SLMAP: variants seen among roughly 807,000 people sequenced by gnomAD.
SLMAP encodes sarcolemma associated protein, also known as sarcolemmal membrane-associated protein.
A neutral mutation model predicts 128.8 loss-of-function variants in SLMAP; 44 were observed. The ratio of observed to expected loss-of-function variants is 0.34; its 90% CI spans 0.27 to 0.44. The LOEUF (loss-of-function observed/expected upper bound fraction) is 0.44, where lower values mean the gene tolerates loss of function less well. SLMAP is among the 20% of genes least tolerant of loss of function. The pLI is 1.00. For missense variants in SLMAP, 787 were observed against 985.3 expected (o/e 0.80, Z 2.69); for synonymous variants, 327 against 348.8 (o/e 0.94, Z 0.70).
chr3:57,921,351 G>A (rs1332274239), intron 22 of SLMAP, among the ~76,000 whole-genome samples: 2 of 152,238 alleles, frequency 1.3e-5, no homozygotes, highest in South Asian at 4.1e-4. Context: ...AACAGGCGGG[G>A]CACGGTGGCT....
intron 6 of SLMAP, among the ~76,000 whole-genome samples, chr3:57,851,697 C>T (rs145912400): frequency 6.6e-6 from 1 of 151,850 alleles, no homozygotes; most frequent in East Asian, 1.9e-4. Flanking sequence ...GTTGGCCAGG[C>T]TGGCCTTAAA....
At chr3:57,868,885 A>G (rs1212931326) in intron 13 of SLMAP, among the ~76,000 whole-genome samples, 1 of 137,876 alleles carries the variant, frequency 7.3e-6, no homozygotes, top group African/African-American at 2.7e-5. Flanking sequence ...TATATATAAT[A>G]TATATTATAT....
intron 2 of SLMAP, among the ~76,000 whole-genome samples, chr3:57,761,198 T>C (rs1204262694): frequency 6.6e-6 from 1 of 152,162 alleles, no homozygotes; most frequent in Non-Finnish European, 1.5e-5. Flanking sequence ...TAGACAACAC[T>C]GTGCAATTTG....
intron 2 of SLMAP, among the ~76,000 whole-genome samples, chr3:57,830,684 G>T (rs897727239): frequency 3.9e-5 from 6 of 152,134 alleles, no homozygotes; most frequent in African/African-American, 1.4e-4. Flanking sequence ...ACTAATTTTA[G>T]AATATTTTCA....
At chr3:57,788,038 G>A (rs912405706) in intron 2 of SLMAP, among the ~76,000 whole-genome samples, 4 of 152,330 alleles carry the variant, frequency 2.6e-5, no homozygotes, top group Non-Finnish European at 4.4e-5. Context: ...GCTGAAACAA[G>A]TCTTGAAAGA....
At chr3:57,893,985 A>G (rs982188697) in intron 15 of SLMAP, among the ~76,000 whole-genome samples, 1 of 152,202 alleles carries the variant, frequency 6.6e-6, no homozygotes, top group Non-Finnish European at 1.5e-5. Context: ...AAGTTAAGCC[A>G]CAAATTCTGG....
chr3:57,905,670 T>C (rs573968442), intron 17 of SLMAP, among the ~76,000 whole-genome samples: 41 of 152,342 alleles, frequency 2.7e-4, no homozygotes, highest in Middle Eastern at 3.4e-3. Flanking sequence ...TGCAACGTAT[T>C]TATTTGAGCC....
chr3:57,858,908 A>AG (rs2094914889), intron 8 of SLMAP, among the ~76,000 whole-genome samples: 1 of 151,784 alleles, frequency 6.6e-6, no homozygotes, highest in African/African-American at 2.4e-5. Context: ...TGCCATTGCA[A>AG]TGTAGCCTGG....
At chr3:57,790,873 CATAAA>C (rs1335003167) in intron 2 of SLMAP, among the ~76,000 whole-genome samples, 2 of 151,858 alleles carry the variant, frequency 1.3e-5, no homozygotes, top group Non-Finnish European at 2.9e-5. Flanking sequence ...AAAGGGGTCA[CATAAA>C]ATAATTTCAA....
rs139032332 is a variant in SLMAP at position 57,912,585 on chromosome 3, G to A, written c.1904G>A (p.Arg635Gln). The change falls in exon 20 of 25, where the codon CGG (arginine) becomes CAG (glutamine). Residue 635 changes from arginine to glutamine, a missense_variant. Physicochemically the swap from Arg to Gln is conservative, Grantham distance 43 (BLOSUM62 1). Around this residue, in one of 2 missense-constraint regions of SLMAP, gnomAD observed 715 missense variants for 843.6 expected, o/e 0.85. Transcript: ENST00000671191. ...AAGAAGGTGAGAGCTGAGCTTGAGC[G>A]GTGGCGGAAAGCAGCGTCTGAATAT... ...ELKKVRAELERWRKAASEYEK... is the reference protein window; with the variant it reads ...ELKKVRAELEQWRKAASEYEK... The A allele has an allele frequency of 1.7e-5, 27 of 1,613,996 alleles. No individual in the cohort carries two copies. In the African/African-American group the frequency reaches 2.9e-4, roughly 18 times the overall value.
chr3:57,906,310 C>CTTTTTCTTTTTTTTTTTT (rs2096549127), intron 17 of SLMAP, among the ~76,000 whole-genome samples: 1 of 47,048 alleles, frequency 2.1e-5, no homozygotes, highest in African/African-American at 7.1e-5. Flanking sequence ...CTTTTTTTTT[C>CTTTTTCTTTTTTTTTTTT]TTTTTTTTTT....
intron 2 of SLMAP, among the ~76,000 whole-genome samples, chr3:57,826,321 A>G (rs559851882): frequency 6.6e-6 from 1 of 152,136 alleles, no homozygotes; most frequent in East Asian, 1.9e-4. Context: ...TCTGTTTTTC[A>G]TTATCTGTAA....
Position 57,763,063 on chromosome 3 carries a change from C to T in SLMAP, c.198+5214C>T, listed in dbSNP as rs138581365. 1.4e-3 allele frequency among the ~76,000 whole-genome samples: 207 copies of T among 151,768 alleles called. 1 individual carries two copies. The highest frequency in any genetic ancestry group is 4.4e-3 in the African/African-American group (181 of 41,334). ...ATTCCTCTGTTGATTCAAGGCACCACTGAGCAAGCAGATCTACCCATATAG... is the reference window on the plus strand; with the variant it reads ...ATTCCTCTGTTGATTCAAGGCACCATTGAGCAAGCAGATCTACCCATATAG... On this transcript the variant is annotated intron_variant, in intron 2 of 24. Coordinates refer to ENST00000671191, the MANE Select transcript of SLMAP (RefSeq NM_001377540.1).
At position 57,928,701 on chromosome 3, in the gene SLMAP, G is replaced by C. The variant is rs1310277021; in HGVS notation, c.*1412G>C. 1 of 152,162 alleles carries C rather than the reference G, an allele frequency of 6.6e-6. No individual in the cohort carries two copies. The highest frequency in any genetic ancestry group is 6.5e-5 in the Admixed American group (1 of 15,276). 9.4% of individuals were successfully genotyped at this position (152,162 alleles called of 1,614,324 possible). A position where few individuals can be genotyped will look rare whatever the true frequency, so the allele number is the denominator to read the frequency against. ...ACCGGGAGGGAATGTCAGTGAATTG[G>C]CTTGAATGTTCTGTGGCAATCCACA... On this transcript the variant is annotated 3_prime_UTR_variant, in exon 25 of 25. Transcript: ENST00000671191.
intron 14 of SLMAP, among the ~76,000 whole-genome samples, chr3:57,889,424 A>C (rs1265171643): frequency 2.0e-5 from 3 of 152,250 alleles, no homozygotes; most frequent in East Asian, 3.8e-4. Context: ...ACCAACTGAC[A>C]TACAGGAGTA....
At chr3:57,891,688 T>G (rs546556448) in intron 15 of SLMAP, among the ~76,000 whole-genome samples, 15 of 152,156 alleles carry the variant, frequency 9.9e-5, no homozygotes, top group Non-Finnish European at 1.9e-4. Flanking sequence ...GTGATTCTCC[T>G]GCCTCAGCCT....
chr3:57,847,669 G>T (rs2094319297), intron 5 of SLMAP, among the ~76,000 whole-genome samples: 1 of 152,160 alleles, frequency 6.6e-6, no homozygotes, highest in South Asian at 2.1e-4. Context: ...CTTTTTACCT[G>T]ATCTGATCAG....
chr3:57,866,908 C>T (rs578061131), intron 13 of SLMAP, among the ~76,000 whole-genome samples: 22 of 152,034 alleles, frequency 1.4e-4, no homozygotes, highest in Middle Eastern at 3.4e-3. Context: ...GGCAGTGGCT[C>T]ACACCTGTAA....
intron 2 of SLMAP, among the ~76,000 whole-genome samples, chr3:57,797,357 G>A (rs1421699388): frequency 1.3e-5 from 2 of 151,818 alleles, no homozygotes; most frequent in Non-Finnish European, 2.9e-5. Context: ...GGTGGTGGGT[G>A]CCTGTAATCC....
Sources: gnomAD v4.1 joint callset for allele counts (sites outside exome capture counted in the v4.1 genomes callset) on GRCh38, gnomAD v4.1.1 for gene constraint, gnomAD v4.1.1 regional missense constraint, MANE v1.5 for transcripts, NCBI Gene and HGNC (gene_info 2026-07-23, HGNC 2026-07-21) for gene names.